Variants in PPP1R13B observed in about 807,000 individuals in gnomAD.
PPP1R13B encodes the protein protein phosphatase 1 regulatory subunit 13B.
PPP1R13B carries 44 observed loss-of-function variants against 119.8 expected under a neutral mutation model. The observed-to-expected ratio is 0.37, with a 90% CI of 0.29 to 0.47. PPP1R13B has a LOEUF of 0.47. Ranked by LOEUF, PPP1R13B falls within the 20% of genes least tolerant of loss-of-function variation. The pLI is 0.99. For missense variants in PPP1R13B, 1,227 were observed against 1,413.5 expected (o/e 0.87, Z 2.12); for synonymous variants, 542 against 561.5 (o/e 0.97, Z 0.49).
intron 8 of PPP1R13B, among the ~76,000 whole-genome samples, chr14:103,748,166 G>A (rs2084440832): frequency 6.6e-6 from 1 of 151,696 alleles, no homozygotes; most frequent in South Asian, 2.1e-4. Context: ...TGACTACTAC[G>A]CCATTACTGA....
chr14:103,821,021 A>G (rs2086394480), intron 1 of PPP1R13B, among the ~76,000 whole-genome samples: 1 of 152,202 alleles, frequency 6.6e-6, no homozygotes, highest in South Asian at 2.1e-4. Context: ...TCAAGCTATC[A>G]AAAAGATCAG....
rs2086521693 is a variant in PPP1R13B, at chr14:103,825,693, C to G, written c.9+21606G>C. Among the ~76,000 whole-genome samples, 3 of 152,262 alleles carry G rather than the reference C, an allele frequency of 2.0e-5. No homozygotes were observed. In the East Asian group the frequency reaches 5.8e-4, roughly 29 times the overall value. ...CTAGCAGAGGTTGGTTCATGAGCTTCAAGGAAAGAAGTCATCTCTGTATCA... is the reference window on the plus strand; with the variant it reads ...CTAGCAGAGGTTGGTTCATGAGCTTGAAGGAAAGAAGTCATCTCTGTATCA... On this transcript the variant is annotated intron_variant, in intron 1 of 16. Coordinates refer to ENST00000202556, the MANE Select transcript of PPP1R13B (RefSeq NM_015316.3).
intron 2 of PPP1R13B, among the ~76,000 whole-genome samples, chr14:103,791,449 G>A (rs902311630): frequency 3.9e-5 from 6 of 152,156 alleles, no homozygotes; most frequent in Non-Finnish European, 7.3e-5. Context: ...AATTTCAGCC[G>A]GGAGCAGTGG....
intron 2 of PPP1R13B, among the ~76,000 whole-genome samples, chr14:103,785,345 A>T (rs1287893406): frequency 6.6e-6 from 1 of 151,984 alleles, no homozygotes; most frequent in Non-Finnish European, 1.5e-5. Flanking sequence ...CAGCCTCCCA[A>T]GTAGCTGAAA....
At chr14:103,810,110 C>G (rs1046219683) in intron 1 of PPP1R13B, among the ~76,000 whole-genome samples, 1 of 151,802 alleles carries the variant, frequency 6.6e-6, no homozygotes, top group African/African-American at 2.4e-5. Context: ...AAGTGTGAGC[C>G]ACCGCGCCCA....
At chr14:103,762,051 T>G (rs755405385) in intron 4 of PPP1R13B, among the ~76,000 whole-genome samples, 1 of 152,214 alleles carries the variant, frequency 6.6e-6, no homozygotes, top group Non-Finnish European at 1.5e-5. Flanking sequence ...TGCTCTGAAG[T>G]GCTCTCTTGT....
At position 103,754,066 on chromosome 14, in the gene PPP1R13B, G is replaced by A. The variant is rs199508654; in HGVS notation, c.631+4C>T. On this transcript the variant is annotated splice_donor_region_variant and intron_variant, in intron 6 of 16. Coordinates refer to ENST00000202556, the MANE Select transcript of PPP1R13B (RefSeq NM_015316.3). The stretch of plus-strand genomic sequence containing the variant: ...GGTGTCGAGGGGGTGTTGCAGGCAC[G>A]TACACAGATTGCCGTTCATGATTTT... 100 of 1,613,646 alleles carry A rather than the reference G, an allele frequency of 6.2e-5. No individual in the cohort carries two copies. The highest frequency in any genetic ancestry group is 7.4e-5 in the Non-Finnish European group (87 of 1,179,832).
chr14:103,762,093 T>C (rs2084820939), intron 4 of PPP1R13B, among the ~76,000 whole-genome samples: 1 of 152,218 alleles, frequency 6.6e-6, no homozygotes, highest in African/African-American at 2.4e-5. Flanking sequence ...TGCTTTCCTG[T>C]CCTATAACTT....
At chr14:103,745,156 C>T (rs1047219192) in intron 9 of PPP1R13B, among the ~76,000 whole-genome samples, 3 of 152,196 alleles carry the variant, frequency 2.0e-5, no homozygotes, top group African/African-American at 2.4e-5. Flanking sequence ...GAGACACGGC[C>T]GTAAGGGATC....
upstream of PPP1R13B, chr14:103,847,589 C>T (rs1323012873): frequency 1.1e-5 from 11 of 986,442 alleles, no homozygotes; most frequent in South Asian, 4.5e-4. Flanking sequence ...GCCCGCCCGC[C>T]CGGCTCGCTC....
intron 4 of PPP1R13B, among the ~76,000 whole-genome samples, chr14:103,775,673 G>C (rs2085171284): frequency 6.6e-6 from 1 of 152,198 alleles, no homozygotes; most frequent in Non-Finnish European, 1.5e-5. Context: ...CCCAAGCTTG[G>C]CATGGCAACA....
intron 1 of PPP1R13B, among the ~76,000 whole-genome samples, chr14:103,839,626 T>C (rs1209304867): frequency 5.0e-4 from 50 of 99,780 alleles, no homozygotes; most frequent in African/African-American, 2.2e-3. Context: ...AAACTCTGCC[T>C]CAAAAAAAAA....
intron 1 of PPP1R13B, among the ~76,000 whole-genome samples, chr14:103,817,824 A>G (rs2086315373): frequency 6.6e-6 from 1 of 152,148 alleles, no homozygotes; most frequent in African/African-American, 2.4e-5. Context: ...TGCTTCAGAC[A>G]TGACAATCTA....
intron 3 of PPP1R13B, among the ~76,000 whole-genome samples, chr14:103,780,910 T>C (rs2085322196): frequency 6.6e-6 from 1 of 151,768 alleles, no homozygotes; most frequent in Non-Finnish European, 1.5e-5. Flanking sequence ...CAGCACCCAA[T>C]AAGCTACTCT....
rs2084170083 is a variant in PPP1R13B, at chr14:103,738,559, G to A, written c.2864+120C>T. ...AACAGCTGTCTTTCAAGGATGAAAT[G>A]ATGGGTGTTCTTGCTCTAATTCTCT... On this transcript the variant is annotated intron_variant, in intron 14 of 16. Coordinates refer to ENST00000202556, the MANE Select transcript of PPP1R13B (RefSeq NM_015316.3). This position sits in a 1 kb window ranked among gnomAD's most constrained non-coding sequence, Gnocchi z 5.6. The A allele has an allele frequency of 4.2e-6, 6 of 1,432,190 alleles. No individual in the cohort carries two copies. The African/African-American group carries it at 7.1e-5, about 17-fold the overall frequency. The allele number at this position is 1,432,190 out of a possible 1,614,324, so 88.7% of individuals were successfully genotyped here.
At chr14:103,759,963 A>G (rs1454238330) in intron 4 of PPP1R13B, among the ~76,000 whole-genome samples, 1 of 152,242 alleles carries the variant, frequency 6.6e-6, no homozygotes, top group East Asian at 1.9e-4. Context: ...TATCTTATAC[A>G]TCAACTTATA....
intron 1 of PPP1R13B, among the ~76,000 whole-genome samples, chr14:103,825,992 C>T (rs1297064199): frequency 6.6e-6 from 1 of 151,848 alleles, no homozygotes; most frequent in Non-Finnish European, 1.5e-5. Context: ...TTACAGGTGC[C>T]CACCACCAGG....
At position 103,742,139 on chromosome 14, in the gene PPP1R13B, A is replaced by C; in HGVS notation, c.1473T>G (p.Ser491Arg). 6.2e-7 allele frequency: 1 copy of C among 1,612,212 alleles called. No homozygotes were observed. The highest frequency in any genetic ancestry group is 1.1e-5 in the South Asian group (1 of 91,076). ...RRKEGSLPRP[S>R]AGLPSRQRPT... ...GCCTCTGTCGACTTGGCAGGCCTGC[A>C]CTGGGCCTGGGCAAGCTGCCTTCCT... The change falls in exon 11 of 17, where the codon AGT (serine) becomes AGG (arginine). Residue 491 changes from serine (S) to arginine (R), a missense_variant. Ser to Arg is a moderately radical substitution (Grantham distance 110, BLOSUM62 -1). Transcript: ENST00000202556. This position sits in a 1 kb window ranked among gnomAD's most constrained non-coding sequence, Gnocchi z 4.9.
chr14:103,772,815 C>T (rs1320089530), intron 4 of PPP1R13B, among the ~76,000 whole-genome samples: 2 of 151,946 alleles, frequency 1.3e-5, no homozygotes, highest in Non-Finnish European at 1.5e-5. Context: ...TACAGGCGTG[C>T]ACAACCATGC....
Sources: allele counts gnomAD v4.1 joint callset (sites outside exome capture counted in the v4.1 genomes callset), GRCh38; gene constraint gnomAD v4.1.1; non-coding constraint Gnocchi (gnomAD v3.1); transcripts MANE v1.5; gene names NCBI Gene and HGNC (gene_info 2026-07-23, HGNC 2026-07-21).